The following SDK2 variants were observed in gnomAD, a reference collection of about 807,000 sequenced individuals.
SDK2 encodes protein sidekick-2.
SDK2 carries 105 observed loss-of-function variants against 253.9 expected under a neutral mutation model. The observed-to-expected ratio is 0.41, with a 90% CI of 0.35 to 0.49. SDK2 has a LOEUF of 0.49. Ranked by LOEUF, SDK2 falls within the 20% of genes least tolerant of loss-of-function variation. The pLI is 0.06. For missense variants in SDK2, 2,608 were observed against 3,003.0 expected, an observed-to-expected ratio of 0.87 and a Z score of 3.07; for synonymous variants, 1,249 against 1,234.9, an observed-to-expected ratio of 1.01 and a Z score of -0.24.
At chr17:73,596,602 G>A (rs1258164617) in intron 1 of SDK2, among the ~76,000 whole-genome samples, 2 of 152,172 alleles carry the variant, frequency 1.3e-5, no homozygotes, top group African/African-American at 2.4e-5. Flanking sequence ...GCAGTGACAT[G>A]TCCCCGGAAC....
intron 4 of SDK2, among the ~76,000 whole-genome samples, chr17:73,449,694 G>A (rs545117984): frequency 1.4e-4 from 21 of 151,254 alleles, no homozygotes; most frequent in Non-Finnish European, 2.4e-4. Context: ...GCTGAAGTAG[G>A]TGGATCACCT....
chr17:73,501,869 G>A (rs1216501500), intron 2 of SDK2, among the ~76,000 whole-genome samples: 9 of 152,158 alleles, frequency 5.9e-5, no homozygotes, highest in African/African-American at 1.4e-4. Flanking sequence ...GCATTACTGC[G>A]CCTGATTCCA....
Position 73,430,036 on chromosome 17 carries a change from G to T in SDK2, c.1583+475C>A, listed in dbSNP as rs117268694. 2.4e-3 allele frequency among the ~76,000 whole-genome samples: 369 copies of T among 152,268 alleles called. 12 individuals carry two copies. The East Asian group carries it at 0.065, about 27-fold the overall frequency. On this transcript the variant is annotated intron_variant, in intron 12 of 44. Transcript: ENST00000392650. ...CTTCTCTTGCAGGGTCCCCCCAGGG[G>T]TCATCTCCTGCCCCACCCCTATAGC...
chr17:73,640,970 T>A (rs939037093), intron 1 of SDK2: 1 of 152,226 alleles, frequency 6.6e-6, no homozygotes, highest in Non-Finnish European at 1.5e-5. Flanking sequence ...GAGACTCTAG[T>A]TAAAAGACTT....
intron 1 of SDK2, among the ~76,000 whole-genome samples, chr17:73,602,462 C>T (rs546746897): frequency 2.0e-5 from 3 of 151,590 alleles, no homozygotes; most frequent in Non-Finnish European, 4.4e-5. Flanking sequence ...AGCAGAGTGC[C>T]GGCTGCCTGG....
chr17:73,536,882 G>A (rs2044783094), intron 1 of SDK2, among the ~76,000 whole-genome samples: 1 of 152,216 alleles, frequency 6.6e-6, no homozygotes, highest in Non-Finnish European at 1.5e-5. Flanking sequence ...GGCCTCCTGA[G>A]TAACTAATCC....
intron 44 of SDK2, among the ~76,000 whole-genome samples, chr17:73,346,211 GAAAA>G (rs966595517): frequency 8.9e-6 from 1 of 112,006 alleles, no homozygotes; most frequent in Non-Finnish European, 1.9e-5. Context: ...TCCGTCTCAA[GAAAA>G]AAAAAAAAAA....
chr17:73,393,042 C>G (rs537284537), intron 27 of SDK2, among the ~76,000 whole-genome samples: 3 of 151,738 alleles, frequency 2.0e-5, no homozygotes, highest in African/African-American at 7.3e-5. Context: ...GTCAGGAGTT[C>G]GAGACCAGCC....
Position 73,447,664 on chromosome 17 carries a change from G to A in SDK2, c.564C>T (p.Asp188=), listed in dbSNP as rs915934657. 2.6e-6 allele frequency: 4 copies of A among 1,551,794 alleles called. No individual in the cohort carries two copies. In the Admixed American group the frequency reaches 7.8e-5, roughly 30 times the overall value. The part of the protein sequence containing the change: ...AGRYYVQAVN[D]KNGDNKTSQP... ...GGCTGGTCTTGTTATCCCCGTTTTT[G>A]TCGTTAACAGCCTGCACATAGTAGC... The change falls in exon 5 of 45, where the codon GAC becomes GAT. Residue 188 remains aspartate (D), a synonymous_variant. Coordinates refer to ENST00000392650, the MANE Select transcript of SDK2 (RefSeq NM_001144952.2). The surrounding 1 kb of genome is among the most constrained non-coding windows in gnomAD (Gnocchi z 4.0).
chr17:73,353,624 C>G (rs2062558514), intron 40 of SDK2, among the ~76,000 whole-genome samples: 1 of 151,662 alleles, frequency 6.6e-6, no homozygotes, highest in Non-Finnish European at 1.5e-5. Flanking sequence ...GTCTCGAACT[C>G]TCGACCTCAG....
chr17:73,438,975 A>G (rs960789731), intron 6 of SDK2, among the ~76,000 whole-genome samples: 1 of 152,176 alleles, frequency 6.6e-6, no homozygotes, highest in Non-Finnish European at 1.5e-5. Flanking sequence ...TTCACTGCAC[A>G]GTTGCACCCT....
chr17:73,399,421 G>T, intron 21 of SDK2, 132 bp from the exon 22 acceptor site: 1 of 921,866 alleles, frequency 1.1e-6, no homozygotes, highest in Non-Finnish European at 1.7e-6. Flanking sequence ...GCACAGCCAC[G>T]GCCCCACTCC....
Position 73,355,026 on chromosome 17 carries a change from G to A in SDK2, c.5594-2389C>T, listed in dbSNP as rs183324532. On this transcript the variant is annotated intron_variant, in intron 40 of 44. Transcript: ENST00000392650. ...GGGCTGTCTCCCCACTTCCAGTGTG[G>A]ATCCTTCCAATTTGGGGAAGGCCAT... Among the ~76,000 whole-genome samples the A allele has an allele frequency of 3.5e-3, 522 of 151,288 alleles. 2 individuals carry two copies. The highest frequency in any genetic ancestry group is 0.01 in the Middle Eastern group (3 of 294).
At chr17:73,362,948 G>T (rs901996654) in intron 38 of SDK2, among the ~76,000 whole-genome samples, 7 of 152,238 alleles carry the variant, frequency 4.6e-5, no homozygotes, top group African/African-American at 1.7e-4. Context: ...CGCCGGCCCC[G>T]GCATGTCCCT....
chr17:73,613,663 T>C (rs553426935), intron 1 of SDK2, among the ~76,000 whole-genome samples: 1 of 136,650 alleles, frequency 7.3e-6, no homozygotes, highest in East Asian at 2.6e-4. Context: ...ACCCCTTTGT[T>C]GGCCGGCCAA....
intron 1 of SDK2, among the ~76,000 whole-genome samples, chr17:73,550,088 GC>G (rs1377497350): frequency 2.6e-5 from 4 of 152,124 alleles, no homozygotes; most frequent in African/African-American, 9.7e-5. Flanking sequence ...CACCAGCCAG[GC>G]CCCCTCCCTA....
At chr17:73,372,864 C>G (rs2062747925) in intron 36 of SDK2, among the ~76,000 whole-genome samples, 1 of 152,196 alleles carries the variant, frequency 6.6e-6, no homozygotes, top group South Asian at 2.1e-4. Flanking sequence ...CACAATCAAG[C>G]TAATTAACAT....
At chr17:73,358,701 C>T (rs1286509153) in intron 39 of SDK2, among the ~76,000 whole-genome samples, 2 of 152,084 alleles carry the variant, frequency 1.3e-5, no homozygotes, top group African/African-American at 4.8e-5. Context: ...CAGTTTCTCC[C>T]TCCTGGTAGG....
In SDK2 at chr17:73,643,896, T is replaced by C. The variant is rs2046429392; in HGVS notation, c.64+129A>G. The C allele has an allele frequency of 5.0e-6, 4 of 794,022 alleles. No individual in the cohort carries two copies. The highest frequency in any genetic ancestry group is 3.4e-5 in the African/African-American group (2 of 58,490). The allele number at this position is 794,022 out of a possible 1,614,324, so 49.2% of individuals were successfully genotyped here. On this transcript the variant is annotated intron_variant, in intron 1 of 44. Transcript: ENST00000392650. This position sits in a 1 kb window ranked among gnomAD's most constrained non-coding sequence, Gnocchi z 6.9. ...GGAGATGGGGTGTCTTGAAACTCCC[T>C]GGAGAGGGCTCTGCCACGGCTAAGC...
Sources: allele counts gnomAD v4.1 joint callset (sites outside exome capture counted in the v4.1 genomes callset), GRCh38; gene constraint gnomAD v4.1.1; non-coding constraint Gnocchi (gnomAD v3.1); transcripts MANE v1.5; gene names NCBI Gene and HGNC (gene_info 2026-07-23, HGNC 2026-07-21).